KANTR: variants seen among roughly 807,000 people sequenced by gnomAD.
KANTR encodes KDM5C adjacent transcript.
chrX:53,097,412 G>T (rs895130762), intron 1 of KANTR, among the ~76,000 whole-genome samples: 3 of 92,897 alleles, frequency 3.2e-5, no homozygotes, highest in East Asian at 7.3e-4. Context: ...GAATGCAGTG[G>T]CACAGTCTTG....
chrX:53,139,882 A>G (rs1227595976), intron 2 of KANTR, among the ~76,000 whole-genome samples: 3 of 111,588 alleles, frequency 2.7e-5, no homozygotes, highest in African/African-American at 9.8e-5. Flanking sequence ...AGGAAGGGGA[A>G]GGACAAAAGA....
chrX:53,120,259 C>G (rs1002474236), intron 2 of KANTR, among the ~76,000 whole-genome samples: 5 of 111,403 alleles, frequency 4.5e-5, no homozygotes, highest in African/African-American at 1.6e-4. Context: ...TGGTCTCGAA[C>G]TCTTGGCCTC....
At chrX:53,143,440 CCT>C, downstream of KANTR, 1 of 606,749 alleles carries the variant, frequency 1.6e-6, no homozygotes, top group Non-Finnish European at 2.8e-6. Flanking sequence ...TGTAGGTGGC[CCT>C]GTCTCCAGAG....
rs1185507538 is a variant in KANTR at position 53,123,455 on chromosome X, G to A, written c.-804-14G>A. The A allele has an allele frequency of 9.0e-6, 1 of 111,699 alleles. No homozygotes were observed. Among genetic ancestry groups the A allele is most frequent in the Non-Finnish European group, 1.9e-5 (1 of 53,167 alleles). 9.2% of individuals were successfully genotyped at this position (111,699 alleles called of 1,213,427 possible). A position where few individuals can be genotyped will look rare whatever the true frequency, so the allele number is the denominator to read the frequency against. The stretch of plus-strand genomic sequence containing the variant: ...TTAACAATTTCAAAATAATGATGAA[G>A]CTCTTATTTGCAGAACATGCATCAT... On this transcript the variant is annotated splice_polypyrimidine_tract_variant and intron_variant, in intron 2 of 2. Transcript: ENST00000604062.
chrX:53,126,987 C>T (rs1221233721), exon 3 of KANTR: 1 of 111,396 alleles, frequency 9.0e-6, no homozygotes, highest in Non-Finnish European at 1.9e-5. Flanking sequence ...TCTCCTATCA[C>T]TCTCAATATC....
intron 2 of KANTR, among the ~76,000 whole-genome samples, chrX:53,103,178 G>T (rs1212537936): frequency 1.8e-5 from 2 of 109,784 alleles, no homozygotes; most frequent in African/African-American, 6.6e-5. Flanking sequence ...GTTTCACCAT[G>T]TTGGCCAGGC....
chrX:53,109,673 A>G (rs781862603), intron 2 of KANTR, among the ~76,000 whole-genome samples: 2 of 112,460 alleles, frequency 1.8e-5, no homozygotes, highest in Non-Finnish European at 3.8e-5. Flanking sequence ...GTTAGTGTAT[A>G]GAAGTGCTAC....
intron 1 of KANTR, among the ~76,000 whole-genome samples, chrX:53,098,068 AAAG>A (rs1225950435): frequency 5.6e-5 from 6 of 106,402 alleles, no homozygotes; most frequent in African/African-American, 1.8e-4. Flanking sequence ...AAAAAAAAAA[AAAG>A]AAAGAAAGAA....
downstream of KANTR, among the ~76,000 whole-genome samples, chrX:53,145,455 G>A (rs781883022): frequency 3.6e-3 from 402 of 112,143 alleles, 6 homozygotes; most frequent in African/African-American, 0.013. Flanking sequence ...GAGGCTGGGG[G>A]AGGGGCACCC....
intron 1 of KANTR, among the ~76,000 whole-genome samples, chrX:53,097,720 T>C (rs1409119609): frequency 9.2e-6 from 1 of 108,874 alleles, no homozygotes; most frequent in Non-Finnish European, 1.9e-5. Flanking sequence ...AGAATTCTCA[T>C]ATATTCTTCA....
At chrX:53,102,984 GTTTT>G (rs150831481) in intron 2 of KANTR, among the ~76,000 whole-genome samples, 12 of 73,873 alleles carry the variant, frequency 1.6e-4, no homozygotes, top group African/African-American at 2.0e-4. Context: ...TGTTTTGTTT[GTTTT>G]TTTTTTTTTT....
intron 2 of KANTR, among the ~76,000 whole-genome samples, chrX:53,141,205 T>C (rs1349968502): frequency 1.8e-5 from 2 of 111,953 alleles, no homozygotes; most frequent in African/African-American, 6.5e-5. Context: ...ATTTGAACAG[T>C]GTGGTGTTTC....
chrX:53,143,957 C>T (rs1378437283), downstream of KANTR: 9 of 302,956 alleles, frequency 3.0e-5, no homozygotes, highest in African/African-American at 2.7e-5. Context: ...TGGGAAGACA[C>T]GGTGTGGGGG....
intron 1 of KANTR, chrX:53,094,660 T>C (rs972103474): frequency 8.9e-6 from 1 of 111,756 alleles, no homozygotes. Flanking sequence ...GTAGTAGATA[T>C]AAGATGCTGA....
downstream of KANTR, among the ~76,000 whole-genome samples, chrX:53,129,050 A>ATTT (rs1287521771): frequency 4.4e-5 from 4 of 90,410 alleles, no homozygotes; most frequent in African/African-American, 1.6e-4. Flanking sequence ...TTTTGGGATG[A>ATTT]TTTTTCTTCT....
intron 2 of KANTR, among the ~76,000 whole-genome samples, chrX:53,133,439 C>T (rs1038458086): frequency 9.0e-6 from 1 of 110,982 alleles, no homozygotes; most frequent in Non-Finnish European, 1.9e-5. Context: ...TAGTCACCCA[C>T]TCCCCATGGC....
At chrX:53,113,465 T>C (rs2146732179) in intron 2 of KANTR, among the ~76,000 whole-genome samples, 1 of 110,849 alleles carries the variant, frequency 9.0e-6, no homozygotes, top group South Asian at 3.8e-4. Flanking sequence ...TTACTTTGAA[T>C]TCTTTGTAAG....
downstream of KANTR, among the ~76,000 whole-genome samples, chrX:53,144,686 A>G (rs1432918792): frequency 8.9e-6 from 1 of 111,793 alleles, no homozygotes; most frequent in Non-Finnish European, 1.9e-5. Context: ...AAAAGTCCAT[A>G]CATGAGTGTA....
At chrX:53,112,352 A>G (rs1405500827) in intron 2 of KANTR, among the ~76,000 whole-genome samples, 1 of 112,137 alleles carries the variant, frequency 8.9e-6, no homozygotes, top group African/African-American at 3.2e-5. Flanking sequence ...ATATTACCAC[A>G]GTTTCCTTAT....
Sources: allele counts gnomAD v4.1 joint callset (sites outside exome capture counted in the v4.1 genomes callset), GRCh38; gene constraint gnomAD v4.1.1; transcripts MANE v1.5; gene names NCBI Gene and HGNC (gene_info 2026-07-23, HGNC 2026-07-21).